NBPF20: variants seen among roughly 807,000 people sequenced by gnomAD.
The protein encoded by NBPF20 is NBPF member 20.
NBPF20 carries 90 observed loss-of-function variants against 68.1 expected under a neutral mutation model. That is an observed-to-expected ratio of 1.32 (90% CI 1.11 to 1.58). The LOEUF (loss-of-function observed/expected upper bound fraction) is 1.58, where lower values mean the gene tolerates loss of function less well. Among genes scored for constraint, NBPF20 ranks in the 40% most tolerant of loss-of-function variants. The pLI is 0.00. For synonymous variants in NBPF20, 290 were observed against 228.1 expected, an observed-to-expected ratio of 1.27 and a Z score of -2.45; for missense variants, 816 against 601.2, an observed-to-expected ratio of 1.36 and a Z score of -3.74.
intron 14 of NBPF20, 94 bp downstream of exon 19, chr1:145,389,850 T>C: frequency 6.0e-4 from 10 of 16,564 alleles, no homozygotes; most frequent in South Asian, 4.7e-3. Context: ...GGCAATGACA[T>C]CTCTCAGCTC....
chr1:145,407,527 GTA>G (rs1188743358), upstream of NBPF20, among the ~76,000 whole-genome samples: 2 of 145,096 alleles, frequency 1.4e-5, no homozygotes, highest in Middle Eastern at 3.6e-3. Flanking sequence ...ATACATACGT[GTA>G]TATATATAAT....
rs1661609049 is a variant in NBPF20, at chr1:145,341,114, A to C, written c.9096-175T>G. ...GATAGAACAGGGCCAGGTAGAAAAC[A>C]ATGAAAGAGAAAGACAGAGAGAGAG... On this transcript the variant is annotated intron_variant, in intron 75 of 137. Coordinates refer to ENST00000369373, the Ensembl canonical transcript of NBPF20. 2.4e-5 allele frequency among the ~76,000 whole-genome samples: 2 copies of C among 84,604 alleles called. 1 individual carries two copies. Among genetic ancestry groups the C allele is most frequent in the Admixed American group, 2.2e-4 (2 of 9,152 alleles). 55.5% of individuals were successfully genotyped at this position (84,604 alleles called of 152,430 possible). A position where few individuals can be genotyped will look rare whatever the true frequency, so the allele number is the denominator to read the frequency against.
exon 138 of NBPF20, chr1:145,291,701 G>A (rs587732837): frequency 4.3e-6 from 7 of 1,611,940 alleles, no homozygotes; most frequent in Non-Finnish European, 5.9e-6. Flanking sequence ...TGACGGAGTA[G>A]AATAACATCC....
chr1:145,291,563 T>A (rs587616544), exon 138 of NBPF20: 1 of 1,612,006 alleles, frequency 6.2e-7, no homozygotes, highest in South Asian at 1.1e-5. Context: ...GAACACCAGG[T>A]GGAGACTTGT....
At position 145,291,833 on chromosome 1, in the gene NBPF20, G is replaced by A; in HGVS notation, c.16698-64C>T. On this transcript the variant is annotated intron_variant, in intron 137 of 137. Transcript: ENST00000369373. ...AATCAGAAACCACAGAGCCCCACTAGATTTCAGAAGTCACATAAGGAAGTG... is the reference window on the plus strand; with the variant it reads ...AATCAGAAACCACAGAGCCCCACTAAATTTCAGAAGTCACATAAGGAAGTG... 2.5e-6 allele frequency: 4 copies of A among 1,611,222 alleles called. No homozygotes were observed. The East Asian group carries it at 6.7e-5, about 27-fold the overall frequency.
the NBPF20 span, among the ~76,000 whole-genome samples, chr1:145,422,064 T>C: frequency 6.6e-6 from 1 of 151,584 alleles, no homozygotes; most frequent in African/African-American, 2.4e-5. Flanking sequence ...TGGTTCGATG[T>C]AGTCCTAAAA....
intron 83 of NBPF20, among the ~76,000 whole-genome samples, chr1:145,334,934 T>C (rs1435594806): frequency 1.6e-5 from 2 of 123,944 alleles, no homozygotes; most frequent in East Asian, 4.8e-4. Flanking sequence ...GTTAGTGCCC[T>C]CGGGACACAC....
chr1:145,410,818 A>ATACG, the NBPF20 span, among the ~76,000 whole-genome samples: 11 of 9,190 alleles, frequency 1.2e-3, no homozygotes, highest in Admixed American at 2.5e-3. Flanking sequence ...ATATATACGT[A>ATACG]TATATATATA....
At chr1:145,403,366 G>T in intron 2 of NBPF20, 48 bp from the exon 8 acceptor site, 1 of 1,467,442 alleles carries the variant, frequency 6.8e-7, no homozygotes, top group Admixed American at 1.7e-5. Context: ...TGGACATGCT[G>T]CTGTGGTCAT....
the NBPF20 span, among the ~76,000 whole-genome samples, chr1:145,417,621 C>CAAAAAAAAAAAAAAAAAAAAAA: frequency 1.9e-5 from 1 of 53,174 alleles, no homozygotes; most frequent in Admixed American, 2.2e-4. Context: ...CAACACAAAG[C>CAAAAAAAAAAAAAAAAAAAAAA]AAAAAAAAAA....
rs1247329362 is a variant in NBPF20 at position 145,338,004 on chromosome 1, T to C, written c.9546-195A>G. On this transcript the variant is annotated intron_variant, in intron 79 of 137. Coordinates refer to ENST00000369373, the Ensembl canonical transcript of NBPF20. ...GAAAAGAATGAAAGAGAAAGACAGA[T>C]AGACACACACACACACACACACACA... Among the ~76,000 whole-genome samples the C allele has an allele frequency of 7.5e-3, 440 of 58,752 alleles. 1 individual carries two copies. The highest frequency in any genetic ancestry group is 0.031 in the African/African-American group (411 of 13,352). The allele number at this position is 58,752 out of a possible 152,430, so 38.5% of individuals were successfully genotyped here.
At chr1:145,407,436 T>C (rs587749266), upstream of NBPF20, among the ~76,000 whole-genome samples, 1 of 145,044 alleles carries the variant, frequency 6.9e-6, no homozygotes, top group African/African-American at 2.5e-5. Flanking sequence ...CACGTATACA[T>C]GTATACATGT....
chr1:145,393,440 C>T (rs1209779577), intron 9 of NBPF20, among the ~76,000 whole-genome samples, 194 bp from the exon 15 acceptor site: 1 of 137,058 alleles, frequency 7.3e-6, no homozygotes, highest in Non-Finnish European at 1.6e-5. Flanking sequence ...GAGAGACACA[C>T]ACTCACACAC....
the NBPF20 span, among the ~76,000 whole-genome samples, chr1:145,412,243 T>G: frequency 6.6e-6 from 1 of 152,012 alleles, no homozygotes; most frequent in East Asian, 1.9e-4. Context: ...TGACTCTGGT[T>G]TCTTTTCGGC....
At chr1:145,421,307 G>A in the NBPF20 span, among the ~76,000 whole-genome samples, 3 of 152,166 alleles carry the variant, frequency 2.0e-5, no homozygotes, top group East Asian at 1.9e-4. Flanking sequence ...TCTACAGGCT[G>A]TCTCGCTGAG....
At chr1:145,409,485 C>A (rs1311723857), upstream of NBPF20, among the ~76,000 whole-genome samples, 5 of 147,674 alleles carry the variant, frequency 3.4e-5, no homozygotes, top group African/African-American at 1.2e-4. Flanking sequence ...GTAACAAAAG[C>A]CCACCAAGAG....
intron 7 of NBPF20, among the ~76,000 whole-genome samples, chr1:145,398,143 C>A (rs1299028150): frequency 3.3e-5 from 5 of 152,006 alleles, no homozygotes; most frequent in Non-Finnish European, 5.9e-5. Flanking sequence ...GAGACTTTAA[C>A]ACCCCACTGT....
intron 7 of NBPF20, among the ~76,000 whole-genome samples, chr1:145,395,639 G>A (rs1283209561): frequency 3.3e-4 from 50 of 149,744 alleles, no homozygotes; most frequent in Non-Finnish European, 6.2e-4. Flanking sequence ...TAGGAAAAAA[G>A]CATGTATACA....
At chr1:145,398,468 T>A (rs1434791400) in intron 7 of NBPF20, among the ~76,000 whole-genome samples, 1 of 152,114 alleles carries the variant, frequency 6.6e-6, no homozygotes, top group Non-Finnish European at 1.5e-5. Flanking sequence ...AACCTGCTCC[T>A]GAATGACTAC....
Sources: allele counts gnomAD v4.1 joint callset (sites outside exome capture counted in the v4.1 genomes callset), GRCh38; gene constraint gnomAD v4.1.1; transcripts MANE v1.5; gene names NCBI Gene and HGNC (gene_info 2026-07-23, HGNC 2026-07-21).